The following C17orf67 variants were observed in gnomAD, a reference collection of about 807,000 sequenced individuals.
The protein encoded by C17orf67 is uncharacterized protein C17orf67.
A neutral mutation model predicts 11.2 loss-of-function variants in C17orf67; 12 were observed. The ratio of observed to expected loss-of-function variants is 1.07; its 90% confidence interval spans 0.68 to 1.73. C17orf67 has a LOEUF of 1.73. Ranked by LOEUF, C17orf67 falls within the 40% of genes most tolerant of loss-of-function variation. The pLI is 0.00. For missense variants in C17orf67, 115 were observed against 113.5 expected, an observed-to-expected ratio of 1.01 and a Z score of -0.06; for synonymous variants, 59 against 46.9, an observed-to-expected ratio of 1.26 and a Z score of -1.05.
At chr17:56,800,496 C>G (rs1275094322) in intron 6 of C17orf67, among the ~76,000 whole-genome samples, 4 of 152,156 alleles carry the variant, frequency 2.6e-5, no homozygotes, top group Admixed American at 2.6e-4. Flanking sequence ...CCAGCTACAC[C>G]CATCTCCTGA....
At chr17:56,800,227 G>A (rs1052761491) in intron 6 of C17orf67, among the ~76,000 whole-genome samples, 4 of 151,890 alleles carry the variant, frequency 2.6e-5, no homozygotes, top group East Asian at 1.9e-4. Context: ...CATCACACCC[G>A]GCTAATTTTT....
intron 6 of C17orf67, among the ~76,000 whole-genome samples, chr17:56,813,954 C>G (rs150436505): frequency 1.3e-5 from 2 of 152,068 alleles, no homozygotes; most frequent in Admixed American, 6.5e-5. Flanking sequence ...GAGATTCAAA[C>G]CCAGTCTGAC....
rs928592591 is a variant in C17orf67, at chr17:56,833,762, G to C, written c.-1146C>G. 1 of 151,814 alleles carries C rather than the reference G, an allele frequency of 6.6e-6. No homozygotes were observed. The highest frequency in any genetic ancestry group is 6.6e-5 in the Admixed American group (1 of 15,266). 9.4% of individuals were successfully genotyped at this position (151,814 alleles called of 1,614,324 possible). The stretch of plus-strand genomic sequence containing the variant: ...AGTCGGGGGCACTCGTGTCTGCGCC[G>C]AGCGGCGGGCGTGAGCGCGGCCCCT... On this transcript the variant is annotated 5_prime_UTR_variant, in exon 1 of 8. Coordinates refer to ENST00000397861, the MANE Select transcript of C17orf67 (RefSeq NM_001085430.4).
At chr17:56,806,188 A>G (rs1905447023) in intron 6 of C17orf67, among the ~76,000 whole-genome samples, 1 of 151,922 alleles carries the variant, frequency 6.6e-6, no homozygotes, top group Admixed American at 6.6e-5. Context: ...GTTAGCCAGG[A>G]TGGTCTCGAT....
At chr17:56,830,157 C>T (rs569121276) in intron 2 of C17orf67, among the ~76,000 whole-genome samples, 2 of 151,974 alleles carry the variant, frequency 1.3e-5, no homozygotes, top group African/African-American at 2.4e-5. Flanking sequence ...TCCTCGCTAA[C>T]ATGGTGAAAT....
intron 2 of C17orf67, among the ~76,000 whole-genome samples, chr17:56,830,390 A>G (rs1278969556): frequency 1.3e-5 from 2 of 152,092 alleles, no homozygotes; most frequent in Non-Finnish European, 2.9e-5. Flanking sequence ...AGGGAGATTT[A>G]TTTTGGGATA....
intron 6 of C17orf67, among the ~76,000 whole-genome samples, chr17:56,799,450 G>A (rs1905271475): frequency 6.6e-6 from 1 of 152,168 alleles, no homozygotes; most frequent in South Asian, 2.1e-4. Context: ...TCCATTGTCT[G>A]CATGTATCAT....
chr17:56,827,773 T>G lies in C17orf67; in HGVS notation c.-556-2452A>C, dbSNP rs76652522. ...GGGAAGACACTGGTGTGTCCACACCTCACGGGCTTAGTGATGGGTCTTAGT... is the reference window on the plus strand; with the variant it reads ...GGGAAGACACTGGTGTGTCCACACCGCACGGGCTTAGTGATGGGTCTTAGT... On this transcript the variant is annotated intron_variant, in intron 2 of 7. Transcript: ENST00000397861. 9.8e-5 allele frequency among the ~76,000 whole-genome samples: 15 copies of G among 152,340 alleles called. No homozygotes were observed. The East Asian group carries it at 2.9e-3, about 29-fold the overall frequency.
At chr17:56,822,514 C>T (rs1050772970) in intron 4 of C17orf67, among the ~76,000 whole-genome samples, 2 of 152,122 alleles carry the variant, frequency 1.3e-5, no homozygotes, top group Non-Finnish European at 2.9e-5. Flanking sequence ...TAAAATTCAC[C>T]TCATAAGGTT....
intron 6 of C17orf67, among the ~76,000 whole-genome samples, chr17:56,808,169 C>A (rs1905502728): frequency 6.6e-6 from 1 of 152,136 alleles, no homozygotes; most frequent in Non-Finnish European, 1.5e-5. Context: ...CTCTTGTCAG[C>A]CCCCACCACC....
intron 6 of C17orf67, among the ~76,000 whole-genome samples, chr17:56,802,487 C>G (rs553799895): frequency 2.0e-5 from 3 of 152,230 alleles, no homozygotes; most frequent in Non-Finnish European, 4.4e-5. Context: ...GCCTCCCTTA[C>G]CCCTTTATGG....
chr17:56,810,199 ACACT>A (rs1597992925), intron 6 of C17orf67, among the ~76,000 whole-genome samples: 1 of 141,840 alleles, frequency 7.1e-6, no homozygotes, highest in South Asian at 2.3e-4. Flanking sequence ...CTTCACACAC[ACACT>A]CTCACACACA....
intron 4 of C17orf67, among the ~76,000 whole-genome samples, 177 bp from the exon 5 acceptor site, chr17:56,816,187 C>T (rs1170231885): frequency 6.6e-6 from 1 of 152,198 alleles, no homozygotes; most frequent in Non-Finnish European, 1.5e-5. Flanking sequence ...ATCTATTACA[C>T]ATTTGTATCT....
intron 5 of C17orf67, 127 bp downstream of exon 5, chr17:56,815,626 TAAG>T: frequency 1.4e-6 from 1 of 699,280 alleles, no homozygotes; most frequent in Non-Finnish European, 1.9e-6. Flanking sequence ...TATGGAAAAA[TAAG>T]AAAAGAAAGA....
intron 4 of C17orf67, among the ~76,000 whole-genome samples, chr17:56,822,940 G>A (rs932630654): frequency 2.0e-5 from 3 of 152,162 alleles, no homozygotes; most frequent in Admixed American, 6.5e-5. Flanking sequence ...TTTCTACTCT[G>A]GGTCCAGGAT....
intron 6 of C17orf67, among the ~76,000 whole-genome samples, chr17:56,814,271 G>A (rs1469512160): frequency 1.3e-5 from 2 of 152,172 alleles, no homozygotes; most frequent in East Asian, 1.9e-4. Flanking sequence ...TTAGCAACAG[G>A]AGGAACCAAG....
chr17:56,794,597 G>A (rs968264669), intron 7 of C17orf67, among the ~76,000 whole-genome samples: 3 of 152,164 alleles, frequency 2.0e-5, no homozygotes, highest in African/African-American at 7.2e-5. Flanking sequence ...CTTGAAGGCT[G>A]CAGGAAGGCA....
At chr17:56,799,969 C>T (rs1905280228) in intron 6 of C17orf67, among the ~76,000 whole-genome samples, 1 of 120,864 alleles carries the variant, frequency 8.3e-6, no homozygotes, top group South Asian at 2.8e-4. Context: ...ATACATATTA[C>T]TTTCTTAAAG....
At chr17:56,826,201 G>A (rs1224859458) in intron 2 of C17orf67, among the ~76,000 whole-genome samples, 1 of 152,152 alleles carries the variant, frequency 6.6e-6, no homozygotes, top group East Asian at 1.9e-4. Flanking sequence ...GGATCCACCT[G>A]CCTTAGTCTC....
Sources: gnomAD v4.1 joint callset for allele counts (sites outside exome capture counted in the v4.1 genomes callset) on GRCh38, gnomAD v4.1.1 for gene constraint, MANE v1.5 for transcripts, NCBI Gene and HGNC (gene_info 2026-07-23, HGNC 2026-07-21) for gene names.